Variants in MYO1H observed in about 807,000 individuals in gnomAD.
The protein encoded by MYO1H is unconventional myosin-Ih.
In MYO1H, 118 loss-of-function variants were observed where a neutral mutation model predicts 149.3. That is an observed-to-expected ratio of 0.79 (90% confidence interval 0.68 to 0.92). MYO1H has a LOEUF of 0.92. Among genes scored for constraint, MYO1H ranks in the 40% least tolerant of loss-of-function variants. MYO1H has a pLI of 0.00. For synonymous variants in MYO1H, 447 were observed against 465.2 expected (o/e 0.96, Z 0.50); for missense variants, 1,212 against 1,280.7 (o/e 0.95, Z 0.82).
In MYO1H at chr12:109,443,144, G is replaced by A. The variant is rs529667693; in HGVS notation, c.2689-370G>A. On this transcript the variant is annotated intron_variant, in intron 27 of 31. Transcript: ENST00000310903. ...TGTGTACGTATATATGTGTGTATAT[G>A]TGTACGTATGTGTGTGTATATGTGT... Among the ~76,000 whole-genome samples, 13 of 134,568 alleles carry A rather than the reference G, an allele frequency of 9.7e-5. 4 individuals are homozygous for A. In the East Asian group the frequency reaches 2.7e-3, roughly 28 times the overall value. 88.3% of individuals were successfully genotyped at this position (134,568 alleles called of 152,430 possible).
At chr12:109,403,892 G>A (rs1433032846) in intron 6 of MYO1H, 90 bp from the exon 7 acceptor site, 5 of 815,926 alleles carry the variant, frequency 6.1e-6, no homozygotes, top group African/African-American at 5.1e-5. Flanking sequence ...ACATTATATA[G>A]GACTAGCTTT....
chr12:109,330,584 C>T, the MYO1H span, among the ~76,000 whole-genome samples: 1 of 152,146 alleles, frequency 6.6e-6, no homozygotes, highest in Admixed American at 6.6e-5. Context: ...TACCAAGACC[C>T]CTGTCCCAAT....
chr12:109,443,444 C>A, intron 27 of MYO1H, 70 bp from the exon 28 acceptor site: 1 of 1,558,358 alleles, frequency 6.4e-7, no homozygotes, highest in Non-Finnish European at 8.8e-7. Context: ...ATCACTTTAC[C>A]GGTGTCTGAG....
At chr12:109,360,210 C>T (rs1318707719) in intron 1 of MYO1H, among the ~76,000 whole-genome samples, 3 of 151,662 alleles carry the variant, frequency 2.0e-5, no homozygotes, top group African/African-American at 7.3e-5. Flanking sequence ...TCAGAGTTTC[C>T]CAGTGGGTTT....
At chr12:109,358,843 T>G (rs1592778783) in intron 1 of MYO1H, among the ~76,000 whole-genome samples, 1 of 97,890 alleles carries the variant, frequency 1.0e-5, no homozygotes, top group Admixed American at 1.2e-4. Context: ...CATCCTGTGG[T>G]GTTAAAAAAA....
chr12:109,321,708 A>G, the MYO1H span, among the ~76,000 whole-genome samples: 1 of 152,224 alleles, frequency 6.6e-6, no homozygotes, highest in African/African-American at 2.4e-5. Flanking sequence ...AAAAAATCAG[A>G]TTAATATAAA....
chr12:109,315,312 G>A, the MYO1H span, among the ~76,000 whole-genome samples: 1 of 152,134 alleles, frequency 6.6e-6, no homozygotes, highest in Non-Finnish European at 1.5e-5. Flanking sequence ...TATCGTGCAG[G>A]ATTATTGCTC....
chr12:109,336,435 TTCTGAA>T, the MYO1H span, among the ~76,000 whole-genome samples: 7 of 152,330 alleles, frequency 4.6e-5, no homozygotes, highest in African/African-American at 1.7e-4. Flanking sequence ...TAGACTGCAC[TTCTGAA>T]AACACTTGGC....
intron 1 of MYO1H, among the ~76,000 whole-genome samples, chr12:109,380,310 A>T (rs957860483): frequency 5.9e-5 from 9 of 152,218 alleles, no homozygotes; most frequent in Non-Finnish European, 1.3e-4. Flanking sequence ...TGGCATCATT[A>T]AATATTCTAC....
intron 16 of MYO1H, among the ~76,000 whole-genome samples, chr12:109,421,425 T>C (rs1871170764): frequency 1.3e-5 from 2 of 152,188 alleles, no homozygotes; most frequent in Admixed American, 6.5e-5. Context: ...ACATTTTTAA[T>C]TTAGGTGATT....
At chr12:109,419,561 T>G (rs1325870063) in intron 15 of MYO1H, among the ~76,000 whole-genome samples, 3 of 152,124 alleles carry the variant, frequency 2.0e-5, no homozygotes, top group Non-Finnish European at 4.4e-5. Context: ...TTTAATCATT[T>G]TTCTGGAAAC....
intron 31 of MYO1H, 192 bp from the exon 32 acceptor site, chr12:109,446,967 T>C (rs1248868969): frequency 3.1e-6 from 2 of 639,206 alleles, no homozygotes; most frequent in Admixed American, 2.3e-5. Context: ...CCCTGACTGG[T>C]TCTGGCTGAA....
chr12:109,397,451 C>T (rs1337413354), intron 4 of MYO1H, among the ~76,000 whole-genome samples: 4 of 152,082 alleles, frequency 2.6e-5, no homozygotes, highest in Non-Finnish European at 5.9e-5. Context: ...CAGCATGGGG[C>T]TAGGGTTCTA....
At chr12:109,443,932 C>T (rs1171632528) in intron 28 of MYO1H, among the ~76,000 whole-genome samples, 1 of 151,882 alleles carries the variant, frequency 6.6e-6, no homozygotes, top group African/African-American at 2.4e-5. Context: ...AAACCATCTG[C>T]CCTCCTCCCC....
intron 2 of MYO1H, among the ~76,000 whole-genome samples, chr12:109,392,342 C>T (rs1054160789): frequency 3.4e-4 from 52 of 152,322 alleles, no homozygotes; most frequent in African/African-American, 8.7e-4. Flanking sequence ...CCTCATGTAT[C>T]CCTTCAGCCT....
At position 109,443,521 on chromosome 12, in the gene MYO1H, TC is replaced by T; in HGVS notation, c.2699del (p.Pro900ArgfsTer36). The stretch of plus-strand genomic sequence containing the variant: ...GTCACCTTCCCCTTGCAGTATGGTG[TC>T]CCGGTCATTAAATATGACAGAAAAG... On this transcript the variant is annotated frameshift_variant, in exon 28 of 32. Coordinates refer to ENST00000310903, the Ensembl canonical transcript of MYO1H. LOFTEE classifies it high-confidence loss of function. 1 of 1,613,654 alleles carries T rather than the reference TC, an allele frequency of 6.2e-7. No homozygotes were observed. Among genetic ancestry groups the T allele is most frequent in the East Asian group, 2.2e-5 (1 of 44,858 alleles).
At chr12:109,352,164 TA>T (rs1304631870) in intron 1 of MYO1H, among the ~76,000 whole-genome samples, 1 of 152,218 alleles carries the variant, frequency 6.6e-6, no homozygotes, top group African/African-American at 2.4e-5. Flanking sequence ...ATACCACTTT[TA>T]TTTTTTTCCA....
At chr12:109,407,601 A>C (rs1435486822) in intron 9 of MYO1H, among the ~76,000 whole-genome samples, 193 bp from the exon 10 acceptor site, 3 of 76,386 alleles carry the variant, frequency 3.9e-5, no homozygotes, top group Non-Finnish European at 7.1e-5. Flanking sequence ...ACATTTCTAC[A>C]AAAAAAAAAA....
At chr12:109,409,849 A>G in intron 11 of MYO1H, 114 bp from the exon 12 acceptor site, 1 of 687,884 alleles carries the variant, frequency 1.5e-6, no homozygotes, top group East Asian at 2.8e-5. Context: ...TTATTTTATT[A>G]ATGAGGACTT....
Sources: gnomAD v4.1 joint callset for allele counts (sites outside exome capture counted in the v4.1 genomes callset) on GRCh38, gnomAD v4.1.1 for gene constraint, MANE v1.5 for transcripts, NCBI Gene and HGNC (gene_info 2026-07-23, HGNC 2026-07-21) for gene names.